RNF214: variants seen among roughly 807,000 people sequenced by gnomAD.
RNF214 encodes the protein ring finger protein 214.
In RNF214, 25 loss-of-function variants were observed where a neutral mutation model predicts 75.9. The ratio of observed to expected loss-of-function variants is 0.33; its 90% CI spans 0.24 to 0.46. The LOEUF (loss-of-function observed/expected upper bound fraction) is 0.46. Ranked by LOEUF, RNF214 falls within the 20% of genes least tolerant of loss-of-function variation. The probability of loss-of-function intolerance (pLI) is 1.00; values close to 1 mark genes in which losing one functional copy is unlikely to be tolerated. For synonymous variants in RNF214, 314 were observed against 308.8 expected, an observed-to-expected ratio of 1.02 and a Z score of -0.18; for missense variants, 725 against 857.5, an observed-to-expected ratio of 0.85 and a Z score of 1.93.
In RNF214 at chr11:117,238,633, C is replaced by T. The variant is rs199853953; in HGVS notation, c.140C>T (p.Ser47Leu). The T allele has an allele frequency of 2.0e-5, 32 of 1,613,454 alleles. No homozygotes were observed. The highest frequency in any genetic ancestry group is 4.4e-5 in the South Asian group (4 of 91,058). Residue 47 changes from serine to leucine, a missense_variant, in exon 3 of 15, where the codon TCG becomes TTG. By Grantham distance (145) the Ser-to-Leu change is moderately radical (BLOSUM62 -2). Around this residue, in one of 2 missense-constraint regions of RNF214, gnomAD observed 362 missense variants for 344.5 expected, o/e 1.05. Transcript: ENST00000300650. ...GACTCTGCACAGAAGCAGAAGAACT[C>T]GCCTCTGTTGAGTGTAAGTAGCCAA... ...TKDSAQKQKN[S>L]PLLSVSSQTI...
Position 117,244,506 on chromosome 11 carries a change from A to G in RNF214, c.740A>G (p.Gln247Arg). Reference sequence around the variant, plus strand: ...CGTTACCAGGAGGTCCTGGACAAACAGAGGCAAGTGGAGAATCAGCTCCAA... The same window carrying G: ...CGTTACCAGGAGGTCCTGGACAAACGGAGGCAAGTGGAGAATCAGCTCCAA... ...KERYQEVLDK[Q>R]RQVENQLQVQ... The change falls in exon 5 of 15, where the codon CAG becomes CGG. Residue 247 changes from glutamine to arginine, a missense_variant. By Grantham distance (43) the Gln-to-Arg change is conservative (BLOSUM62 1). Coordinates refer to ENST00000300650, the MANE Select transcript of RNF214 (RefSeq NM_207343.4). 2 of 1,613,456 alleles carry G rather than the reference A, an allele frequency of 1.2e-6. No individual in the cohort carries two copies. The highest frequency in any genetic ancestry group is 1.7e-6 in the Non-Finnish European group (2 of 1,179,570).
In RNF214 at chr11:117,238,866, C is replaced by G. The variant is rs374761866; in HGVS notation, c.373C>G (p.Arg125Gly). Residue 125 changes from arginine to glycine, a missense_variant, in exon 3 of 15, where the codon CGG becomes GGG. This residue lies in a region of RNF214 where 362 missense variants were observed against 344.5 expected (regional missense o/e 1.05). Transcript: ENST00000300650. ...TAGEEGDTSL[R>G]ESLHPVTRSL... ...AGGAGAGGAGGGGGACACAAGCCTTCGGGAGAGCCTCCATCCAGTCACTCG... is the reference window on the plus strand; with the variant it reads ...AGGAGAGGAGGGGGACACAAGCCTTGGGGAGAGCCTCCATCCAGTCACTCG... The G allele has an allele frequency of 6.2e-7, 1 of 1,614,046 alleles. No individual in the cohort carries two copies. The highest frequency in any genetic ancestry group is 1.3e-5 in the African/African-American group (1 of 74,904).
chr11:117,251,728 G>T (rs1459419704), intron 6 of RNF214, among the ~76,000 whole-genome samples: 1 of 152,142 alleles, frequency 6.6e-6, no homozygotes. Flanking sequence ...CAAGCAAGAC[G>T]TGAAGTGGGG....
Position 117,265,286 on chromosome 11 carries a change from T to C in RNF214, c.960-14622T>C, listed in dbSNP as rs1232708739. ...ATCTGCTTCTCTAATTCACTGGCAATGGACATCATAAAAAAAGACTACGTG... is the reference window on the plus strand; with the variant it reads ...ATCTGCTTCTCTAATTCACTGGCAACGGACATCATAAAAAAAGACTACGTG... On this transcript the variant is annotated intron_variant, in intron 6 of 14. Transcript: ENST00000300650. 3.3e-5 allele frequency among the ~76,000 whole-genome samples: 5 copies of C among 152,314 alleles called. No homozygotes were observed. The South Asian group carries it at 1.0e-3, about 32-fold the overall frequency.
At chr11:117,248,932 CT>C (rs1288874973) in intron 6 of RNF214, among the ~76,000 whole-genome samples, 53 of 146,764 alleles carry the variant, frequency 3.6e-4, no homozygotes, top group Admixed American at 5.5e-4. Flanking sequence ...TCTTTACATT[CT>C]TTTTTTTTTT....
intron 6 of RNF214, among the ~76,000 whole-genome samples, chr11:117,270,006 C>T (rs540343382): frequency 6.6e-6 from 1 of 152,086 alleles, no homozygotes; most frequent in Admixed American, 6.6e-5. Flanking sequence ...CTCTTCTCTT[C>T]TCTGGTAGTG....
intron 2 of RNF214, 94 bp from the exon 3 acceptor site, chr11:117,238,507 A>G (rs953099199): frequency 2.9e-6 from 3 of 1,050,096 alleles, no homozygotes; most frequent in Non-Finnish European, 4.2e-6. Flanking sequence ...TTTCATTATG[A>G]TAGTCGGGAG....
intron 6 of RNF214, among the ~76,000 whole-genome samples, chr11:117,251,552 C>T (rs1313126648): frequency 6.7e-6 from 1 of 148,308 alleles, no homozygotes; most frequent in African/African-American, 2.5e-5. Context: ...CCCTCCCGGA[C>T]GGGGCGGCTG....
Position 117,282,863 on chromosome 11 carries a change from T to C in RNF214, c.1950+13T>C. The C allele has an allele frequency of 6.3e-7, 1 of 1,581,218 alleles. No individual in the cohort carries two copies. Among genetic ancestry groups the C allele is most frequent in the Non-Finnish European group, 8.7e-7 (1 of 1,150,010 alleles). On this transcript the variant is annotated intron_variant, in intron 13 of 14. Coordinates refer to ENST00000300650, the MANE Select transcript of RNF214 (RefSeq NM_207343.4). ...AAGGTCTTCACATGTAAGACTCTTT[T>C]TCTTTGAACACTGTGATATGGAGAA... is the stretch of plus-strand genomic sequence containing the variant.
chr11:117,281,336 A>G lies in RNF214; in HGVS notation c.1168A>G (p.Thr390Ala). 1.2e-6 allele frequency: 2 copies of G among 1,613,366 alleles called. No individual in the cohort carries two copies. Among genetic ancestry groups the G allele is most frequent in the Middle Eastern group, 1.7e-4 (1 of 6,060 alleles). The change falls in exon 9 of 15, where the codon ACA (threonine) becomes GCA (alanine). Residue 390 changes from threonine to alanine, a missense_variant. Physicochemically the swap from Thr to Ala is moderately conservative, Grantham distance 58 (BLOSUM62 0). Coordinates refer to ENST00000300650, the MANE Select transcript of RNF214 (RefSeq NM_207343.4). ...YLKSTPPTLE[T>A]VRSKQEWETR... ...AAGGTCAACTCCCCCAACACTGGAG[A>G]CAGTTCGTTCCAAACAGGAGTGGGA...
chr11:117,258,212 G>A (rs1190793133), intron 6 of RNF214, among the ~76,000 whole-genome samples: 1 of 151,944 alleles, frequency 6.6e-6, no homozygotes, highest in Non-Finnish European at 1.5e-5. Flanking sequence ...GGGACTACAG[G>A]TGCATGCCAC....
chr11:117,256,420 G>C (rs562260426), intron 6 of RNF214, among the ~76,000 whole-genome samples: 6 of 152,308 alleles, frequency 3.9e-5, no homozygotes, highest in Admixed American at 3.9e-4. Flanking sequence ...CTTGTTTGGA[G>C]TCATTCATGT....
chr11:117,235,823 T>A (rs1220239083), intron 2 of RNF214, among the ~76,000 whole-genome samples: 1 of 152,186 alleles, frequency 6.6e-6, no homozygotes, highest in Non-Finnish European at 1.5e-5. Context: ...GTATGTGATG[T>A]ATAGTGATCA....
intron 6 of RNF214, among the ~76,000 whole-genome samples, chr11:117,275,056 T>C (rs1414304569): frequency 6.6e-6 from 1 of 152,094 alleles, no homozygotes; most frequent in Non-Finnish European, 1.5e-5. Flanking sequence ...AGAAATAATA[T>C]TAAGTGTTTT....
intron 1 of RNF214, among the ~76,000 whole-genome samples, chr11:117,233,316 G>C (rs977095101): frequency 2.6e-5 from 4 of 152,188 alleles, no homozygotes; most frequent in African/African-American, 7.2e-5. Context: ...TTTCTCCCAG[G>C]AGCTTTGTAT....
chr11:117,244,935 C>G (rs2033176302), intron 5 of RNF214, among the ~76,000 whole-genome samples: 1 of 151,668 alleles, frequency 6.6e-6, no homozygotes, highest in Admixed American at 6.6e-5. Flanking sequence ...GAAAGGAGGC[C>G]TTTTTATTTC....
intron 6 of RNF214, among the ~76,000 whole-genome samples, chr11:117,258,271 G>A (rs1219237658): frequency 6.6e-6 from 1 of 151,982 alleles, no homozygotes; most frequent in Non-Finnish European, 1.5e-5. Context: ...GTTTCACCAT[G>A]TTGGCCAGGA....
At chr11:117,266,575 G>T (rs1302600976) in intron 6 of RNF214, among the ~76,000 whole-genome samples, 1 of 152,036 alleles carries the variant, frequency 6.6e-6, no homozygotes, top group South Asian at 2.1e-4. Flanking sequence ...GCCCAGGCTG[G>T]TCTCGAATTC....
At chr11:117,272,454 G>C (rs2033932218) in intron 6 of RNF214, among the ~76,000 whole-genome samples, 1 of 152,130 alleles carries the variant, frequency 6.6e-6, no homozygotes, top group Non-Finnish European at 1.5e-5. Flanking sequence ...GGGAGGAAGA[G>C]GAGGGAGAGC....
Sources: allele counts gnomAD v4.1 joint callset (sites outside exome capture counted in the v4.1 genomes callset), GRCh38; gene constraint gnomAD v4.1.1; regional missense constraint gnomAD v4.1.1; transcripts MANE v1.5; gene names NCBI Gene and HGNC (gene_info 2026-07-23, HGNC 2026-07-21).